ASH2L: variants seen among roughly 807,000 people sequenced by gnomAD.
The protein encoded by ASH2L is set1/Ash2 histone methyltransferase complex subunit ASH2.
In ASH2L, 30 loss-of-function variants were observed where a neutral mutation model predicts 81.1. The observed-to-expected ratio is 0.37, with a 90% CI of 0.28 to 0.50. The LOEUF (loss-of-function observed/expected upper bound fraction) is 0.50. ASH2L is among the 20% of genes least tolerant of loss of function. ASH2L has a pLI of 0.95. For missense variants in ASH2L, 559 were observed against 792.1 expected (o/e 0.71, Z 3.53); for synonymous variants, 273 against 279.9 (o/e 0.98, Z 0.24).
intron 14 of ASH2L, chr8:38,137,701 C>G (rs1802321075): frequency 6.6e-6 from 1 of 152,016 alleles, no homozygotes; most frequent in Non-Finnish European, 1.5e-5. Flanking sequence ...GCACTCCAGC[C>G]TGGTGACAGA....
chr8:38,110,648 T>G, intron 4 of ASH2L, 91 bp from the exon 5 acceptor site: 1 of 1,231,082 alleles, frequency 8.1e-7, no homozygotes, highest in Non-Finnish European at 1.2e-6. Flanking sequence ...GCTGCTATAA[T>G]TGTTATTTTC....
At chr8:38,128,139 C>A in intron 10 of ASH2L, 152 bp from the exon 11 acceptor site, 1 of 895,998 alleles carries the variant, frequency 1.1e-6, no homozygotes, top group Non-Finnish European at 1.7e-6. Flanking sequence ...GTATCTTATG[C>A]TGAGATTTTT....
Position 38,119,356 on chromosome 8 carries a change from G to A in ASH2L, c.940G>A (p.Ala314Thr), listed in dbSNP as rs569873049. The change falls in exon 9 of 16, where the codon GCC becomes ACC. Residue 314 changes from alanine (A) to threonine (T), a missense_variant. Physicochemically the swap from Ala to Thr is moderately conservative, Grantham distance 58 (BLOSUM62 0). Around this residue, in one of 4 missense-constraint regions of ASH2L, gnomAD observed 318 missense variants for 527.0 expected, o/e 0.60. Transcript: ENST00000343823. ...DGGTTGTTKK[A>T]RSDPLFSAQR... The stretch of plus-strand genomic sequence containing the variant: ...AGGGACCACAGGGACCACCAAGAAG[G>A]CCCGGAGGTGGGGAGAGTGCCCACC... The A allele has an allele frequency of 6.4e-5, 98 of 1,540,290 alleles. No individual in the cohort carries two copies. Among genetic ancestry groups the A allele is most frequent in the South Asian group, 2.4e-4 (20 of 83,076 alleles).
At chr8:38,105,893 A>G (rs1459427022) in intron 1 of ASH2L, 155 bp downstream of exon 1, 1 of 1,452,194 alleles carries the variant, frequency 6.9e-7, no homozygotes, top group Non-Finnish European at 9.0e-7. Flanking sequence ...GTCCCCTCTC[A>G]AGCATATCTC....
chr8:38,106,226 A>G (rs1329025786), intron 1 of ASH2L, 152 bp from the exon 2 acceptor site: 2 of 1,401,630 alleles, frequency 1.4e-6, no homozygotes, highest in Non-Finnish European at 2.0e-6. Flanking sequence ...CAGTATCCTG[A>G]CAGTACCTTG....
chr8:38,139,253 C>G lies in ASH2L; in HGVS notation c.*182C>G. ...GCCTTTCACCATTTTCTCCCCACTT[C>G]CAGTGACTGCTCTTATTTTGTGTAC... On this transcript the variant is annotated 3_prime_UTR_variant, in exon 16 of 16. Transcript: ENST00000343823. 1 of 554,478 alleles carries G rather than the reference C, an allele frequency of 1.8e-6. No individual in the cohort carries two copies. Among genetic ancestry groups the G allele is most frequent in the Admixed American group, 3.2e-5 (1 of 31,264 alleles). 34.3% of individuals were successfully genotyped at this position (554,478 alleles called of 1,614,324 possible).
intron 12 of ASH2L, among the ~76,000 whole-genome samples, chr8:38,132,534 C>T (rs536696009): frequency 1.3e-5 from 2 of 152,194 alleles, no homozygotes; most frequent in Non-Finnish European, 1.5e-5. Context: ...TGCAGTGGCT[C>T]GTGCCTGTAA....
At chr8:38,107,321 T>C (rs1810479409) in intron 3 of ASH2L, among the ~76,000 whole-genome samples, 155 bp downstream of exon 3, 1 of 152,212 alleles carries the variant, frequency 6.6e-6, no homozygotes, top group South Asian at 2.1e-4. Flanking sequence ...GTTGTTTTAA[T>C]TCCCTTAGCA....
intron 3 of ASH2L, 79 bp from the exon 4 acceptor site, chr8:38,110,298 TGA>T: frequency 9.2e-7 from 1 of 1,081,126 alleles, no homozygotes; most frequent in South Asian, 1.3e-5. Flanking sequence ...AGTGGTAGAG[TGA>T]GAGCCTGTCT....
chr8:38,116,541 A>G, intron 7 of ASH2L, 109 bp from the exon 8 acceptor site: 1 of 877,818 alleles, frequency 1.1e-6, no homozygotes. Flanking sequence ...TCAGAAAAAA[A>G]AGAATTGTCA....
intron 13 of ASH2L, among the ~76,000 whole-genome samples, chr8:38,135,350 G>A (rs1054037963): frequency 3.9e-5 from 6 of 152,138 alleles, no homozygotes; most frequent in South Asian, 2.1e-4. Flanking sequence ...TTGGGAGGCT[G>A]ATGTGGGAGG....
intron 12 of ASH2L, among the ~76,000 whole-genome samples, chr8:38,130,475 T>C (rs141120685): frequency 1.3e-5 from 2 of 152,210 alleles, no homozygotes; most frequent in East Asian, 1.9e-4. Context: ...TTTATACTTA[T>C]TTCTTTCCAT....
intron 5 of ASH2L, among the ~76,000 whole-genome samples, chr8:38,112,183 AT>A (rs1224385915): frequency 1.3e-5 from 2 of 151,976 alleles, no homozygotes; most frequent in Admixed American, 6.6e-5. Flanking sequence ...ACTTAAAAAA[AT>A]TTTTTGTGGA....
At chr8:38,119,408 T>C in intron 9 of ASH2L, 45 bp downstream of exon 9, 1 of 1,435,722 alleles carries the variant, frequency 7.0e-7, no homozygotes, top group African/African-American at 1.5e-5. Flanking sequence ...TTAAGTATTA[T>C]TTGGTGCTGG....
chr8:38,135,314 T>C (rs1198668346), intron 13 of ASH2L, among the ~76,000 whole-genome samples: 1 of 151,928 alleles, frequency 6.6e-6, no homozygotes, highest in Non-Finnish European at 1.5e-5. Context: ...CTGGATATGG[T>C]GGTGTATGCC....
intron 12 of ASH2L, among the ~76,000 whole-genome samples, chr8:38,129,771 A>G (rs971894633): frequency 2.6e-5 from 4 of 151,856 alleles, no homozygotes; most frequent in Non-Finnish European, 1.5e-5. Flanking sequence ...GGCTTTTGAG[A>G]CTCATCCATT....
chr8:38,121,333 TTATATATATATATA>T (rs71216649), intron 10 of ASH2L, among the ~76,000 whole-genome samples, 184 bp downstream of exon 10: 21 of 59,668 alleles, frequency 3.5e-4, no homozygotes, highest in African/African-American at 1.3e-3. Flanking sequence ...GCCGTTTTAT[TTATATATATATATA>T]TATATATATA....
At chr8:38,121,823 T>C (rs969091050) in intron 10 of ASH2L, among the ~76,000 whole-genome samples, 1 of 152,238 alleles carries the variant, frequency 6.6e-6, no homozygotes, top group Non-Finnish European at 1.5e-5. Flanking sequence ...GTAGGTCTTA[T>C]TGGTTACGTT....
intron 10 of ASH2L, 26 bp downstream of exon 10, chr8:38,121,175 G>A (rs557774653): frequency 1.3e-5 from 20 of 1,594,358 alleles, no homozygotes; most frequent in Middle Eastern, 2.0e-4. Context: ...GAGATCATAT[G>A]GATGCAGGGT....
Sources: allele counts gnomAD v4.1 joint callset (sites outside exome capture counted in the v4.1 genomes callset), GRCh38; gene constraint gnomAD v4.1.1; regional missense constraint gnomAD v4.1.1; transcripts MANE v1.5; gene names NCBI Gene and HGNC (gene_info 2026-07-23, HGNC 2026-07-21).